CYP7B1: variants seen among roughly 807,000 people sequenced by gnomAD.
CYP7B1 encodes cytochrome P450 7B1.
A neutral mutation model predicts 42.7 loss-of-function variants in CYP7B1; 29 were observed. The ratio of observed to expected loss-of-function variants is 0.68; its 90% CI spans 0.51 to 0.93. The LOEUF is 0.93. Ranked by LOEUF, CYP7B1 falls within the 40% of genes least tolerant of loss-of-function variation. CYP7B1 has a pLI of 0.00. For missense variants in CYP7B1, 655 were observed against 600.5 expected (o/e 1.09, Z -0.95); for synonymous variants, 235 against 218.2 (o/e 1.08, Z -0.68).
intron 1 of CYP7B1, among the ~76,000 whole-genome samples, chr8:64,701,227 T>C (rs1281759374): frequency 6.6e-6 from 1 of 152,046 alleles, no homozygotes; most frequent in African/African-American, 2.4e-5. Context: ...AGGCATGGTG[T>C]TAACCTGGGT....
chr8:64,756,343 G>A (rs142533586), intron 1 of CYP7B1, among the ~76,000 whole-genome samples: 53 of 152,342 alleles, frequency 3.5e-4, no homozygotes, highest in Non-Finnish European at 6.6e-4. Context: ...TAATTTCACA[G>A]TTAGACAAGC....
chr8:64,615,122 C>T lies in CYP7B1; in HGVS notation c.961G>A (p.Glu321Lys), dbSNP rs866340497. The T allele has an allele frequency of 1.9e-6, 3 of 1,613,636 alleles. No homozygotes were observed. The highest frequency in any genetic ancestry group is 1.7e-6 in the Non-Finnish European group (2 of 1,179,790). Residue 321 changes from glutamate (E) to lysine (K), a missense_variant, in exon 4 of 6, where the codon GAA (glutamate) becomes AAA (lysine). Glu to Lys is a moderately conservative substitution (Grantham distance 56). Transcript: ENST00000310193. ...GTTGACTGCAGCAAACGGTCAATTT[C>T]GTCACGCACTGCTGCCATAGCTTCT... ...HPEAMAAVRD[E>K]IDRLLQSTGQ...
chr8:64,777,935 T>G (rs1450374899), intron 1 of CYP7B1, among the ~76,000 whole-genome samples: 5 of 151,880 alleles, frequency 3.3e-5, no homozygotes, highest in Admixed American at 2.0e-4. Context: ...TTCTTTCCCT[T>G]AAAAAGTAAG....
chr8:64,781,395 G>A (rs1392110545), intron 1 of CYP7B1, among the ~76,000 whole-genome samples: 1 of 152,074 alleles, frequency 6.6e-6, no homozygotes, highest in East Asian at 1.9e-4. Flanking sequence ...ATTTCTGTGG[G>A]CCAGAAGACA....
At chr8:64,674,361 C>T (rs921328856) in intron 1 of CYP7B1, among the ~76,000 whole-genome samples, 6 of 152,076 alleles carry the variant, frequency 3.9e-5, no homozygotes, top group African/African-American at 1.4e-4. Flanking sequence ...GGCACAGAGA[C>T]CACACTTTAC....
rs757503820 is a variant in CYP7B1, at chr8:64,771,047, CTTTTTTTTTTTTT to C, written c.122+27406_122+27418del. 3.4e-3 allele frequency among the ~76,000 whole-genome samples: 146 copies of C among 42,502 alleles called. 1 individual carries two copies. Among genetic ancestry groups the C allele is most frequent in the African/African-American group, 0.011 (131 of 12,022 alleles). 27.9% of individuals were successfully genotyped at this position (42,502 alleles called of 152,430 possible). A position where few individuals can be genotyped will look rare whatever the true frequency, so the allele number is the denominator to read the frequency against. On this transcript the variant is annotated intron_variant, in intron 1 of 5. Transcript: ENST00000310193. ...AATCTCAAGAGTGGGATATCAGCAT[CTTTTTTTTTTTTT>C]TTTTTTTTTTTTTTTTTTTTAGACA...
intron 1 of CYP7B1, among the ~76,000 whole-genome samples, chr8:64,631,935 TGGA>T (rs1805702659): frequency 6.6e-6 from 1 of 150,512 alleles, no homozygotes; most frequent in South Asian, 2.1e-4. Flanking sequence ...GCTAAGGATG[TGGA>T]GAAGTGAGAA....
intron 1 of CYP7B1, among the ~76,000 whole-genome samples, chr8:64,643,325 T>G (rs1419375461): frequency 1.3e-5 from 2 of 151,958 alleles, no homozygotes; most frequent in Non-Finnish European, 2.9e-5. Context: ...AATTATTCGT[T>G]TTTTACAGTG....
chr8:64,772,883 T>G (rs1804260412), intron 1 of CYP7B1, among the ~76,000 whole-genome samples: 2 of 152,202 alleles, frequency 1.3e-5, no homozygotes, highest in Non-Finnish European at 2.9e-5. Context: ...TTACTGTCCT[T>G]GCACTGGCTG....
chr8:64,691,484 G>GGA (rs1291723395), intron 1 of CYP7B1, among the ~76,000 whole-genome samples: 5 of 145,832 alleles, frequency 3.4e-5, no homozygotes, highest in Admixed American at 6.8e-5. Context: ...ATGGCAACTG[G>GGA]GGGGGGGGGG....
At chr8:64,742,908 A>T (rs1563411990) in intron 1 of CYP7B1, among the ~76,000 whole-genome samples, 1 of 152,174 alleles carries the variant, frequency 6.6e-6, no homozygotes, top group African/African-American at 2.4e-5. Flanking sequence ...TTTGATTGTT[A>T]TAAAAAGTTT....
At chr8:64,712,024 A>G (rs929182548) in intron 1 of CYP7B1, among the ~76,000 whole-genome samples, 1 of 152,228 alleles carries the variant, frequency 6.6e-6, no homozygotes, top group Non-Finnish European at 1.5e-5. Flanking sequence ...TAAAAGAGAT[A>G]AAGTCAGCAA....
At chr8:64,656,468 C>T (rs940046511) in intron 1 of CYP7B1, among the ~76,000 whole-genome samples, 4 of 152,208 alleles carry the variant, frequency 2.6e-5, no homozygotes, top group Admixed American at 1.3e-4. Flanking sequence ...CTCCTGACCA[C>T]GAAAGCCCCA....
At chr8:64,742,117 G>A (rs1807578719) in intron 1 of CYP7B1, among the ~76,000 whole-genome samples, 1 of 152,012 alleles carries the variant, frequency 6.6e-6, no homozygotes, top group Admixed American at 6.6e-5. Context: ...TCAAACAAAT[G>A]GAATTATAAT....
rs1805116314 is a variant in CYP7B1 at position 64,596,372 on chromosome 8, CACA to C, written c.*267_*269del. 4 of 327,664 alleles carry C rather than the reference CACA, an allele frequency of 1.2e-5. No individual in the cohort carries two copies. Among genetic ancestry groups the C allele is most frequent in the East Asian group, 6.0e-5 (1 of 16,742 alleles). 20.3% of individuals were successfully genotyped at this position (327,664 alleles called of 1,614,324 possible). A position where few individuals can be genotyped will look rare whatever the true frequency, so the allele number is the denominator to read the frequency against. Reference sequence around the variant, plus strand: ...TACATTTATTATAACAGGTGAAAATCACAACAAGGAGAAACTAAAAAAACAACA... The same window carrying C: ...TACATTTATTATAACAGGTGAAAATCACAAGGAGAAACTAAAAAAACAACA... On this transcript the variant is annotated 3_prime_UTR_variant, in exon 6 of 6. Transcript: ENST00000310193.
chr8:64,620,489 C>T (rs577180225), intron 2 of CYP7B1, among the ~76,000 whole-genome samples: 18 of 152,266 alleles, frequency 1.2e-4, no homozygotes, highest in Middle Eastern at 3.4e-3. Flanking sequence ...CTATTTTCTG[C>T]GACAGGTCAA....
At chr8:64,642,156 T>C (rs1245562291) in intron 1 of CYP7B1, among the ~76,000 whole-genome samples, 2 of 152,250 alleles carry the variant, frequency 1.3e-5, no homozygotes, top group Non-Finnish European at 2.9e-5. Context: ...CATTATGATG[T>C]AATACACATA....
At chr8:64,672,406 C>G (rs1255509585) in intron 1 of CYP7B1, among the ~76,000 whole-genome samples, 2 of 152,120 alleles carry the variant, frequency 1.3e-5, no homozygotes, top group African/African-American at 4.8e-5. Context: ...GAACAAATAT[C>G]CCTCTCTGAC....
At chr8:64,778,197 A>ATATATATATATATG (rs1233287778) in intron 1 of CYP7B1, among the ~76,000 whole-genome samples, 1 of 147,236 alleles carries the variant, frequency 6.8e-6, no homozygotes, top group Non-Finnish European at 1.5e-5. Flanking sequence ...ATATATATAT[A>ATATATATATATATG]TATGTATACA....
Sources: allele counts gnomAD v4.1 joint callset (sites outside exome capture counted in the v4.1 genomes callset), GRCh38; gene constraint gnomAD v4.1.1; transcripts MANE v1.5; gene names NCBI Gene and HGNC (gene_info 2026-07-23, HGNC 2026-07-21).